Variants in CNTN6 observed in about 807,000 individuals in gnomAD.
CNTN6 encodes contactin-6.
CNTN6 carries 137 observed loss-of-function variants against 122.8 expected under a neutral mutation model. The ratio of observed to expected loss-of-function variants is 1.12; its 90% CI spans 0.97 to 1.29. The LOEUF (loss-of-function observed/expected upper bound fraction) is 1.29. Ranked by LOEUF, CNTN6 falls within the 50% of genes most tolerant of loss-of-function variation. The pLI is 0.00. For synonymous variants in CNTN6, 570 were observed against 426.0 expected (o/e 1.34, Z -4.16); for missense variants, 1,634 against 1,223.4 (o/e 1.34, Z -5.01).
At chr3:1,163,692 C>T (rs1272634359) in intron 2 of CNTN6, among the ~76,000 whole-genome samples, 1 of 152,166 alleles carries the variant, frequency 6.6e-6, no homozygotes, top group African/African-American at 2.4e-5. Context: ...GCTGGGATTA[C>T]AGGCATGAGC....
intron 1 of CNTN6, among the ~76,000 whole-genome samples, chr3:1,119,459 C>T (rs1052041238): frequency 6.6e-5 from 10 of 151,458 alleles, no homozygotes; most frequent in Non-Finnish European, 8.8e-5. Flanking sequence ...GTTCATAGTC[C>T]TGAGAACTGG....
chr3:1,271,975 C>T (rs939029284), intron 4 of CNTN6, among the ~76,000 whole-genome samples: 1 of 152,062 alleles, frequency 6.6e-6, no homozygotes, highest in African/African-American at 2.4e-5. Context: ...TGGGAGGGAC[C>T]CAGTGGGAGG....
intron 2 of CNTN6, among the ~76,000 whole-genome samples, chr3:1,177,408 C>T (rs1321067359): frequency 2.0e-5 from 3 of 152,154 alleles, no homozygotes; most frequent in African/African-American, 4.8e-5. Context: ...TGATACTCTG[C>T]AACTTCTTTC....
intron 1 of CNTN6, among the ~76,000 whole-genome samples, chr3:1,142,988 A>ATATATGTG (rs1559389105): frequency 7.6e-5 from 11 of 144,312 alleles, no homozygotes; most frequent in African/African-American, 2.3e-4. Context: ...ATATATATAT[A>ATATATGTG]TATATATATA....
Position 1,102,597 on chromosome 3 carries a change from C to CA in CNTN6, c.-83+9477_-83+9478insA, listed in dbSNP as rs1553589759. 4.1e-5 allele frequency among the ~76,000 whole-genome samples: 6 copies of CA among 147,704 alleles called. 1 individual carries two copies. Among genetic ancestry groups the CA allele is most frequent in the South Asian group, 2.2e-4 (1 of 4,514 alleles). On this transcript the variant is annotated intron_variant, in intron 1 of 22. Coordinates refer to ENST00000446702, the MANE Select transcript of CNTN6 (RefSeq NM_001289080.2). ...TACAAAAATGAGCCGGGCGTGGTGG[C>CA]GGCGCCTGTAGTCCCAGCTACTCGG... is the stretch of plus-strand genomic sequence containing the variant.
At chr3:1,246,232 C>T (rs1314785973) in intron 4 of CNTN6, among the ~76,000 whole-genome samples, 2 of 152,068 alleles carry the variant, frequency 1.3e-5, no homozygotes, top group African/African-American at 2.4e-5. Flanking sequence ...AAAGATGAGC[C>T]ATATCTTGAC....
At chr3:1,250,609 C>G (rs915771412) in intron 4 of CNTN6, among the ~76,000 whole-genome samples, 1 of 152,126 alleles carries the variant, frequency 6.6e-6, no homozygotes, top group Non-Finnish European at 1.5e-5. Context: ...TAGGTCACCC[C>G]TCATTGCCCA....
chr3:1,156,999 A>C (rs2092985941), intron 2 of CNTN6, among the ~76,000 whole-genome samples: 1 of 150,228 alleles, frequency 6.7e-6, no homozygotes, highest in African/African-American at 2.4e-5. Context: ...TACAGGCATG[A>C]GTCACTGCAC....
chr3:1,161,231 C>T (rs901548371), intron 2 of CNTN6, among the ~76,000 whole-genome samples: 1 of 128,504 alleles, frequency 7.8e-6, no homozygotes, highest in African/African-American at 3.1e-5. Flanking sequence ...GATTATATTG[C>T]ATATAATGAT....
At chr3:1,262,330 G>T (rs188348799) in intron 4 of CNTN6, among the ~76,000 whole-genome samples, 1 of 152,266 alleles carries the variant, frequency 6.6e-6, no homozygotes, top group East Asian at 1.9e-4. Context: ...AGACTGATCA[G>T]CTGGGAAGAC....
intron 2 of CNTN6, 119 bp from the exon 3 acceptor site, chr3:1,220,568 T>G: frequency 1.2e-5 from 11 of 922,520 alleles, no homozygotes; most frequent in Non-Finnish European, 1.6e-5. Context: ...TTTGTGAATT[T>G]GAGATTGTTT....
chr3:1,267,554 A>G (rs970868324), intron 4 of CNTN6, among the ~76,000 whole-genome samples: 3 of 152,186 alleles, frequency 2.0e-5, no homozygotes, highest in African/African-American at 7.2e-5. Flanking sequence ...AGCTGTTGCC[A>G]TCAAATATTT....
chr3:1,363,311 G>GAT (rs142908134), intron 12 of CNTN6, among the ~76,000 whole-genome samples: 3,814 of 151,826 alleles, frequency 0.025, 186 homozygotes, highest in African/African-American at 0.086. Flanking sequence ...ACAGTATACA[G>GAT]ATATATATAT....
intron 2 of CNTN6, among the ~76,000 whole-genome samples, chr3:1,217,837 G>A (rs955965979): frequency 2.0e-5 from 3 of 152,152 alleles, no homozygotes; most frequent in African/African-American, 7.2e-5. Flanking sequence ...TGCCTTTTCA[G>A]TGCCTTTAAC....
Position 1,329,885 on chromosome 3 carries a change from GGCAGCTAT to G in CNTN6, c.1315_1322del (p.Ala439LeufsTer10), listed in dbSNP as rs1359328969. 3 of 1,609,766 alleles carry G rather than the reference GGCAGCTAT, an allele frequency of 1.9e-6. No homozygotes were observed. The highest frequency in any genetic ancestry group is 1.7e-5 in the Admixed American group (1 of 59,660). On this transcript the variant is annotated frameshift_variant, in exon 11 of 23. Transcript: ENST00000446702. LOFTEE classifies it high-confidence loss of function. ...GATGCAAACCAAATGCTTTTCCCAG[GGCAGCTAT>G]CTCTTGGAAAAGAGGAACGGAGACC...
chr3:1,335,164 C>T (rs1702863447), intron 11 of CNTN6, among the ~76,000 whole-genome samples: 1 of 152,148 alleles, frequency 6.6e-6, no homozygotes, highest in South Asian at 2.1e-4. Flanking sequence ...TGGTTCATTT[C>T]AGAGAAAATG....
chr3:1,199,132 G>C (rs79978167), intron 2 of CNTN6, among the ~76,000 whole-genome samples: 3,010 of 151,288 alleles, frequency 0.02, 96 homozygotes, highest in African/African-American at 0.068. Flanking sequence ...TCGGTTTCAG[G>C]CTGTAGACTT....
intron 2 of CNTN6, among the ~76,000 whole-genome samples, chr3:1,154,906 A>AT (rs2092929783): frequency 6.6e-6 from 1 of 151,812 alleles, no homozygotes; most frequent in East Asian, 1.9e-4. Context: ...TTAGAGTCAC[A>AT]TTTTTTTCTT....
At chr3:1,321,858 T>A (rs758195551) in intron 8 of CNTN6, 24 bp downstream of exon 8, 1 of 1,557,282 alleles carries the variant, frequency 6.4e-7, no homozygotes, top group Non-Finnish European at 8.7e-7. Flanking sequence ...ATTTCAAATA[T>A]ATATAAAATA....
Sources: allele counts gnomAD v4.1 joint callset (sites outside exome capture counted in the v4.1 genomes callset), GRCh38; gene constraint gnomAD v4.1.1; transcripts MANE v1.5; gene names NCBI Gene and HGNC (gene_info 2026-07-23, HGNC 2026-07-21).